DYNC1I1: variants seen among roughly 807,000 people sequenced by gnomAD.
DYNC1I1 encodes the protein dynein cytoplasmic 1 intermediate chain 1.
DYNC1I1 carries 43 observed loss-of-function variants against 86.6 expected under a neutral mutation model. That is an observed-to-expected ratio of 0.50 (90% CI 0.39 to 0.64). The LOEUF is 0.64. Ranked by LOEUF, DYNC1I1 falls within the 30% of genes least tolerant of loss-of-function variation. DYNC1I1 has a pLI of 0.00. For synonymous variants in DYNC1I1, 262 were observed against 283.7 expected, an observed-to-expected ratio of 0.92 and a Z score of 0.77; for missense variants, 604 against 788.8, an observed-to-expected ratio of 0.77 and a Z score of 2.81.
intron 14 of DYNC1I1, among the ~76,000 whole-genome samples, chr7:96,059,353 C>CA (rs1045493556): frequency 6.6e-6 from 1 of 150,590 alleles, no homozygotes; most frequent in African/African-American, 2.4e-5. Context: ...AAATAGGCAA[C>CA]AAAAAAAAGA....
At chr7:95,967,250 A>G (rs1410135346) in intron 6 of DYNC1I1, among the ~76,000 whole-genome samples, 1 of 152,178 alleles carries the variant, frequency 6.6e-6, no homozygotes, top group African/African-American at 2.4e-5. Flanking sequence ...CTTTGATTGG[A>G]TGAACAAAAG....
chr7:95,920,990 C>G (rs1276867084), intron 6 of DYNC1I1, among the ~76,000 whole-genome samples: 1 of 152,134 alleles, frequency 6.6e-6, no homozygotes, highest in Non-Finnish European at 1.5e-5. Context: ...CACATTCAGT[C>G]AAGAATTGTG....
At chr7:95,986,101 T>C (rs938443374) in intron 8 of DYNC1I1, among the ~76,000 whole-genome samples, 3 of 146,364 alleles carry the variant, frequency 2.0e-5, no homozygotes, top group African/African-American at 7.6e-5. Flanking sequence ...GAGGAAGGGT[T>C]AACAGAAAAA....
chr7:95,827,611 C>T (rs995399992), intron 4 of DYNC1I1, among the ~76,000 whole-genome samples: 3 of 151,970 alleles, frequency 2.0e-5, no homozygotes, highest in African/African-American at 7.2e-5. Context: ...TTCACCAGGC[C>T]CTGCAGTCAT....
intron 14 of DYNC1I1, among the ~76,000 whole-genome samples, chr7:96,041,940 T>C (rs949245999): frequency 1.3e-5 from 2 of 152,126 alleles, no homozygotes; most frequent in Admixed American, 1.3e-4. Context: ...AATTGATTCC[T>C]AAAAAATTTA....
intron 5 of DYNC1I1, among the ~76,000 whole-genome samples, chr7:95,858,743 A>C (rs541973981): frequency 6.6e-6 from 1 of 151,726 alleles, no homozygotes; most frequent in South Asian, 2.1e-4. Flanking sequence ...TATGTGGTTC[A>C]TGATAGTATG....
At chr7:95,777,584 C>T (rs988670879) in intron 1 of DYNC1I1, among the ~76,000 whole-genome samples, 1 of 152,262 alleles carries the variant, frequency 6.6e-6, no homozygotes, top group Admixed American at 6.5e-5. Flanking sequence ...ATTATTTAAG[C>T]GCTAACAGTT....
intron 16 of DYNC1I1, among the ~76,000 whole-genome samples, chr7:96,081,468 A>G (rs1790518562): frequency 6.6e-6 from 1 of 152,224 alleles, no homozygotes. Context: ...AGTGTTGACC[A>G]AAACCTTCAT....
In DYNC1I1 at chr7:95,917,595, A is replaced by G. The variant is rs567207034; in HGVS notation, c.490+47597A>G. ...ATCCCTTCAGTCATTCAAAAACGGT[A>G]CAAGTTGCTGAAGACGTTGTGGTGA... is the stretch of plus-strand genomic sequence containing the variant. On this transcript the variant is annotated intron_variant, in intron 6 of 16. Transcript: ENST00000447467. 3.7e-4 allele frequency among the ~76,000 whole-genome samples: 56 copies of G among 152,320 alleles called. No homozygotes were observed. In the East Asian group the frequency reaches 9.3e-3, roughly 25 times the overall value.
At chr7:96,108,825 C>T (rs1238900791) in intron 16 of DYNC1I1, among the ~76,000 whole-genome samples, 2 of 148,508 alleles carry the variant, frequency 1.3e-5, no homozygotes, top group African/African-American at 5.0e-5. Flanking sequence ...CGCACCACTG[C>T]ACTCCAGCCT....
At chr7:95,845,432 G>A (rs981795799) in intron 5 of DYNC1I1, among the ~76,000 whole-genome samples, 6 of 152,172 alleles carry the variant, frequency 3.9e-5, no homozygotes, top group Non-Finnish European at 7.3e-5. Context: ...AACCCCATTA[G>A]CCTTTAATGA....
rs114788898 is a variant in DYNC1I1 at position 95,841,258 on chromosome 7, C to G, written c.374+13142C>G. Among the ~76,000 whole-genome samples the G allele has an allele frequency of 4.8e-3, 735 of 152,216 alleles. 5 individuals carry two copies. Among genetic ancestry groups the G allele is most frequent in the African/African-American group, 0.017 (694 of 41,506 alleles). On this transcript the variant is annotated intron_variant, in intron 5 of 16. Transcript: ENST00000447467. ...TTCTGGAATGATTTGTGGGGAGGAG[C>G]CCTGGGAAGTATCCTCACATTCATT... is the stretch of plus-strand genomic sequence containing the variant.
intron 6 of DYNC1I1, among the ~76,000 whole-genome samples, chr7:95,970,968 T>C (rs925416605): frequency 2.6e-5 from 4 of 152,080 alleles, no homozygotes; most frequent in African/African-American, 9.7e-5. Context: ...GGAGGTGGAA[T>C]TGACAGGACT....
intron 12 of DYNC1I1, among the ~76,000 whole-genome samples, chr7:96,033,683 C>T (rs1794866517): frequency 1.3e-5 from 2 of 152,136 alleles, no homozygotes; most frequent in Admixed American, 1.3e-4. Flanking sequence ...GAATGTCTCT[C>T]ACACAATTTT....
At chr7:96,069,001 G>A (rs1474844487) in intron 14 of DYNC1I1, among the ~76,000 whole-genome samples, 1 of 152,036 alleles carries the variant, frequency 6.6e-6, no homozygotes, top group Non-Finnish European at 1.5e-5. Flanking sequence ...TACTTTATTT[G>A]CTCATTCTTC....
At chr7:96,074,783 G>A (rs1403331373) in intron 14 of DYNC1I1, among the ~76,000 whole-genome samples, 1 of 152,096 alleles carries the variant, frequency 6.6e-6, no homozygotes, top group Non-Finnish European at 1.5e-5. Context: ...CTAATATTTG[G>A]AGCCGATTCC....
chr7:95,889,925 A>G (rs112004997), intron 6 of DYNC1I1, among the ~76,000 whole-genome samples: 3,776 of 152,334 alleles, frequency 0.025, 132 homozygotes, highest in African/African-American at 0.077. Flanking sequence ...AATGTCTATT[A>G]TTAAAAGGTC....
chr7:95,987,202 G>A (rs752068808), intron 9 of DYNC1I1, 47 bp downstream of exon 9: 2 of 1,504,710 alleles, frequency 1.3e-6, no homozygotes, highest in Admixed American at 3.6e-5. Context: ...GTGTTCTCGT[G>A]GCATTTGTAT....
intron 6 of DYNC1I1, among the ~76,000 whole-genome samples, chr7:95,897,751 CAAT>C (rs1255421837): frequency 1.5e-3 from 100 of 67,642 alleles, no homozygotes; most frequent in African/African-American, 4.3e-3. Context: ...TTTTTTTTTG[CAAT>C]AATGATATGC....
Sources: gnomAD v4.1 joint callset for allele counts (sites outside exome capture counted in the v4.1 genomes callset) on GRCh38, gnomAD v4.1.1 for gene constraint, MANE v1.5 for transcripts, NCBI Gene and HGNC (gene_info 2026-07-23, HGNC 2026-07-21) for gene names.